IDO2: variants seen among roughly 807,000 people sequenced by gnomAD.
The protein encoded by IDO2 is indoleamine 2,3-dioxygenase 2.
IDO2 carries 46 observed loss-of-function variants against 45.1 expected under a neutral mutation model. The observed-to-expected ratio is 1.02, with a 90% confidence interval of 0.80 to 1.30. IDO2 has a LOEUF of 1.30. Ranked by LOEUF, IDO2 falls within the 50% of genes most tolerant of loss-of-function variation. The probability of loss-of-function intolerance (pLI) is 0.00; values close to 1 mark genes in which losing one functional copy is unlikely to be tolerated. For synonymous variants in IDO2, 218 were observed against 184.9 expected, an observed-to-expected ratio of 1.18 and a Z score of -1.45; for missense variants, 544 against 491.8, an observed-to-expected ratio of 1.11 and a Z score of -1.00.
chr8:39,998,242 T>C (rs1203977025), intron 8 of IDO2: 1 of 152,444 alleles, frequency 6.6e-6, no homozygotes, highest in Non-Finnish European at 1.5e-5. Context: ...TTCTTGGGCA[T>C]TTCCCATTTG....
intron 9 of IDO2, 65 bp from the exon 10 acceptor site, chr8:40,013,500 A>T: frequency 6.9e-7 from 1 of 1,451,016 alleles, no homozygotes; most frequent in Non-Finnish European, 9.4e-7. Flanking sequence ...CTCAGTTTCC[A>T]TGTCAGAAAA....
At position 39,976,454 on chromosome 8, in the gene IDO2, C is replaced by T. The variant is rs551454665; in HGVS notation, c.196-2613C>T. Among the ~76,000 whole-genome samples the T allele has an allele frequency of 2.0e-5, 3 of 152,186 alleles. No homozygotes were observed. The South Asian group carries it at 6.2e-4, about 32-fold the overall frequency. On this transcript the variant is annotated intron_variant, in intron 3 of 10. Coordinates refer to ENST00000502986, the Ensembl canonical transcript of IDO2. ...TTTTGGTCAAGTTCTATTTCTTAAG[C>T]TGAGTGATGAGTAAATAAGTGTTTA...
intron 8 of IDO2, among the ~76,000 whole-genome samples, chr8:39,995,940 GC>G: frequency 6.6e-6 from 1 of 152,200 alleles, no homozygotes; most frequent in Middle Eastern, 3.4e-3. Context: ...TAGCGTCAGT[GC>G]CTAGAAAAGG....
chr8:39,980,016 G>A (rs1016800271), intron 4 of IDO2, among the ~76,000 whole-genome samples: 3 of 152,078 alleles, frequency 2.0e-5, no homozygotes, highest in Admixed American at 6.5e-5. Context: ...AGAGATGAGG[G>A]TCTTGCTGTT....
intron 10 of IDO2, among the ~76,000 whole-genome samples, chr8:40,015,012 T>C (rs1271652579): frequency 1.3e-5 from 2 of 151,978 alleles, no homozygotes; most frequent in Non-Finnish European, 2.9e-5. Flanking sequence ...AAATATTAGC[T>C]GGGTGTGGTG....
intron 9 of IDO2, among the ~76,000 whole-genome samples, chr8:40,007,203 T>C (rs1400369712): frequency 5.3e-5 from 8 of 151,826 alleles, no homozygotes; most frequent in African/African-American, 1.9e-4. Flanking sequence ...GTGCTATCAA[T>C]AGAAATAATC....
At chr8:40,012,528 G>T (rs907770239) in intron 9 of IDO2, among the ~76,000 whole-genome samples, 1 of 152,166 alleles carries the variant, frequency 6.6e-6, no homozygotes, top group Non-Finnish European at 1.5e-5. Context: ...TGAATGTGAA[G>T]ATGCTTTATA....
chr8:39,959,111 A>ATTT (rs36099242), intron 2 of IDO2, among the ~76,000 whole-genome samples: 3 of 141,748 alleles, frequency 2.1e-5, no homozygotes, highest in African/African-American at 7.8e-5. Flanking sequence ...TAATCTGTAG[A>ATTT]TTTTTTTTTT....
chr8:40,013,645 G>T, exon 10 of IDO2: 1 of 1,613,920 alleles, frequency 6.2e-7, no homozygotes, highest in Non-Finnish European at 8.5e-7. Context: ...TCCGGCGGGA[G>T]TGCAGCTCAG....
intron 2 of IDO2, among the ~76,000 whole-genome samples, chr8:39,957,133 G>C (rs1308066341): frequency 2.0e-5 from 3 of 149,936 alleles, no homozygotes; most frequent in East Asian, 2.0e-4. Flanking sequence ...TGATCCATTT[G>C]ACAATAAATG....
intron 1 of IDO2, among the ~76,000 whole-genome samples, chr8:39,938,881 T>C (rs1807597123): frequency 6.6e-6 from 1 of 152,212 alleles, no homozygotes; most frequent in South Asian, 2.1e-4. Flanking sequence ...AACAATGAGA[T>C]ACCACTACAT....
intron 9 of IDO2, among the ~76,000 whole-genome samples, chr8:40,006,655 T>TATTTTATTTC (rs1261501086): frequency 2.6e-5 from 4 of 151,592 alleles, no homozygotes; most frequent in African/African-American, 4.8e-5. Context: ...TATTTTATTT[T>TATTTTATTTC]ATTTTATTTT....
chr8:39,948,724 A>G (rs1807774111), intron 1 of IDO2, among the ~76,000 whole-genome samples: 1 of 152,162 alleles, frequency 6.6e-6, no homozygotes, highest in African/African-American at 2.4e-5. Context: ...CTTGCTAACA[A>G]TTTTGATAGT....
chr8:39,985,368 G>T, intron 5 of IDO2, 140 bp from the exon 6 acceptor site: 1 of 689,962 alleles, frequency 1.4e-6, no homozygotes, highest in Non-Finnish European at 2.5e-6. Context: ...ATGTGTGTGT[G>T]CCTGCAGTGC....
intron 8 of IDO2, among the ~76,000 whole-genome samples, chr8:39,993,567 T>G (rs896694433): frequency 1.3e-5 from 2 of 152,210 alleles, no homozygotes; most frequent in Admixed American, 1.3e-4. Context: ...TTCACTTGAT[T>G]TCATGGAAGG....
At chr8:39,940,576 T>C (rs187559952) in intron 1 of IDO2, among the ~76,000 whole-genome samples, 21 of 152,266 alleles carry the variant, frequency 1.4e-4, no homozygotes, top group African/African-American at 4.3e-4. Context: ...ATAAGTGGGG[T>C]TCCTGTTGGA....
chr8:39,942,081 A>T (rs933027528), intron 1 of IDO2, among the ~76,000 whole-genome samples: 1 of 152,216 alleles, frequency 6.6e-6, no homozygotes, highest in Admixed American at 6.5e-5. Context: ...TGAGAGAATG[A>T]GAGCTTGTTT....
intron 9 of IDO2, among the ~76,000 whole-genome samples, chr8:40,012,764 G>A (rs900035435): frequency 2.0e-5 from 3 of 152,116 alleles, no homozygotes; most frequent in South Asian, 2.1e-4. Context: ...AGGAAAGGGG[G>A]AAGGGAATGG....
At chr8:39,992,857 G>A (rs1015182225) in intron 8 of IDO2, among the ~76,000 whole-genome samples, 2 of 152,118 alleles carry the variant, frequency 1.3e-5, no homozygotes, top group African/African-American at 4.8e-5. Flanking sequence ...TTCACACTCA[G>A]GGCTGAGTAG....
Sources: allele counts gnomAD v4.1 joint callset (sites outside exome capture counted in the v4.1 genomes callset), GRCh38; gene constraint gnomAD v4.1.1; transcripts MANE v1.5; gene names NCBI Gene and HGNC (gene_info 2026-07-23, HGNC 2026-07-21).